PAX1: variants seen among roughly 807,000 people sequenced by gnomAD.
PAX1 encodes the protein paired box protein Pax-1.
Under a neutral mutation model 35.6 loss-of-function variants are expected in PAX1, and 18 were observed. That is an observed-to-expected ratio of 0.50 (90% CI 0.35 to 0.75). The LOEUF is 0.75. PAX1 is among the 30% of genes least tolerant of loss of function. PAX1 has a pLI of 0.01. For synonymous variants in PAX1, 397 were observed against 305.2 expected (o/e 1.30, Z -3.14); for missense variants, 760 against 661.5 (o/e 1.15, Z -1.63).
intron 4 of PAX1, among the ~76,000 whole-genome samples, chr20:21,709,709 C>A (rs1322667377): frequency 6.6e-6 from 1 of 152,026 alleles, no homozygotes; most frequent in Admixed American, 6.6e-5. Context: ...GAAAGGAGGT[C>A]CTTCTGGCAC....
Position 21,709,389 on chromosome 20 carries a change from T to C in PAX1, c.1227T>C (p.Ala409=). 1 of 1,556,064 alleles carries C rather than the reference T, an allele frequency of 6.4e-7. No individual in the cohort carries two copies. Residue 409 remains alanine (A), a synonymous_variant, in exon 4 of 5, where the codon GCT becomes GCC. Transcript: ENST00000613128. Reference sequence around the variant, plus strand: ...TGGCGCCCCCCGGGGCCGGCGTAGCTGTGCATGGCGGGGAACTCGCGGCAG... The same window carrying C: ...TGGCGCCCCCCGGGGCCGGCGTAGCCGTGCATGGCGGGGAACTCGCGGCAG... ...PPLAPPGAGV[A]VHGGELAAAM...
intron 2 of PAX1, chr20:21,708,252 G>C: frequency 1.9e-6 from 1 of 531,702 alleles, no homozygotes; most frequent in Non-Finnish European, 3.4e-6. Context: ...TCTGGGAGCC[G>C]TGTCTGGACA....
Position 21,709,375 on chromosome 20 carries a change from G to T in PAX1, c.1213G>T (p.Gly405Trp). ...GCAAGGTCCTCCTCTGGCGCCCCCC[G>T]GGGCCGGCGTAGCTGTGCATGGCGG... ...PAQGPPLAPP[G>W]AGVAVHGGEL... Residue 405 changes from glycine (G) to tryptophan (W), a missense_variant, in exon 4 of 5, where the codon GGG becomes TGG. Physicochemically the swap from Gly to Trp is radical, Grantham distance 184. Around this residue, in one of 3 missense-constraint regions of PAX1, gnomAD observed 490 missense variants for 428.4 expected, o/e 1.14. Coordinates refer to ENST00000613128, the MANE Select transcript of PAX1 (RefSeq NM_001257096.2). 1.3e-6 allele frequency: 2 copies of T among 1,567,134 alleles called. No homozygotes were observed.
At position 21,709,411 on chromosome 20, in the gene PAX1, G is replaced by T. The variant is rs764626514; in HGVS notation, c.1249G>T (p.Ala417Ser). Residue 417 changes from alanine to serine, a missense_variant, in exon 4 of 5, where the codon GCA (alanine) becomes TCA (serine). This residue lies in a region of PAX1 where 490 missense variants were observed against 428.4 expected (regional missense o/e 1.14). Transcript: ENST00000613128. Reference sequence around the variant, plus strand: ...AGCTGTGCATGGCGGGGAACTCGCGGCAGCAATGACCTTCAAGCATCCCAG... The same window carrying T: ...AGCTGTGCATGGCGGGGAACTCGCGTCAGCAATGACCTTCAAGCATCCCAG... ...GVAVHGGELA[A>S]AMTFKHPSRE... 1.0e-5 allele frequency: 16 copies of T among 1,543,388 alleles called. No homozygotes were observed. The African/African-American group carries it at 1.9e-4, about 18-fold the overall frequency.
Position 21,706,314 on chromosome 20 carries a change from G to T in PAX1, c.287-124G>T. On this transcript the variant is annotated intron_variant, in intron 1 of 4. Transcript: ENST00000613128. The surrounding 1 kb of genome is among the most constrained non-coding windows in gnomAD (Gnocchi z 5.3). ...TTGCCCTTGGACTCCGAGCTGTCTG[G>T]GGACCCACAGGTCACCTTTGGAAGT... 7.6e-7 allele frequency: 1 copy of T among 1,316,326 alleles called. No homozygotes were observed. The highest frequency in any genetic ancestry group is 2.3e-5 in the East Asian group (1 of 42,816). 81.5% of individuals were successfully genotyped at this position (1,316,326 alleles called of 1,614,324 possible).
chr20:21,714,610 C>T lies in PAX1; in HGVS notation c.*48C>T. 1 of 1,557,556 alleles carries T rather than the reference C, an allele frequency of 6.4e-7. No homozygotes were observed. Among genetic ancestry groups the T allele is most frequent in the Non-Finnish European group, 8.7e-7 (1 of 1,154,912 alleles). On this transcript the variant is annotated 3_prime_UTR_variant, in exon 5 of 5. Transcript: ENST00000613128. Reference sequence around the variant, plus strand: ...GCCCGGAGGGAACGGCAGGCGGACCCGGGCGCACAGGTCTGCGCGGCGGCC... The same window carrying T: ...GCCCGGAGGGAACGGCAGGCGGACCTGGGCGCACAGGTCTGCGCGGCGGCC...
At position 21,705,989 on chromosome 20, in the gene PAX1, C is replaced by A. The variant is rs1380192911; in HGVS notation, c.277C>A (p.Leu93Ile). Reference sequence around the variant, plus strand: ...CGGCGCCAGGCAGCTGGCCGGCCCGCTCGCTATGGGTAAGGGGCGGGCGAC... The same window carrying A: ...CGGCGCCAGGCAGCTGGCCGGCCCGATCGCTATGGGTAAGGGGCGGGCGAC... Reference protein sequence around the residue: ...HPGARQLAGPLAMEQTYGEVN... With the variant: ...HPGARQLAGPIAMEQTYGEVN... The change falls in exon 1 of 5, where the codon CTC becomes ATC. Residue 93 changes from leucine to isoleucine, a missense_variant. Physicochemically the swap from Leu to Ile is conservative, Grantham distance 5. Transcript: ENST00000613128. The A allele has an allele frequency of 1.4e-6, 2 of 1,479,134 alleles. No homozygotes were observed. The highest frequency in any genetic ancestry group is 2.7e-5 in the South Asian group (2 of 74,858). The allele number at this position is 1,479,134 out of a possible 1,614,324, so 91.6% of individuals were successfully genotyped here.
At chr20:21,708,475 C>T in intron 2 of PAX1, 83 bp from the exon 3 acceptor site, 1 of 1,534,972 alleles carries the variant, frequency 6.5e-7, no homozygotes, top group Non-Finnish European at 9.0e-7. Flanking sequence ...GCCGTGTCTT[C>T]AGATACAAAT....
rs1985430089 is a variant in PAX1, at chr20:21,718,021, TTGC to T, written c.*3460_*3462del. On this transcript the variant is annotated 3_prime_UTR_variant, in exon 5 of 5. Coordinates refer to ENST00000613128, the MANE Select transcript of PAX1 (RefSeq NM_001257096.2). ...CAGACATGAGCTGAAGATCTGCTCT[TTGC>T]GTACCACCAGCTTCAGCTCCAATGT... The T allele has an allele frequency of 6.6e-6, 1 of 152,362 alleles. No individual in the cohort carries two copies. The highest frequency in any genetic ancestry group is 2.4e-5 in the African/African-American group (1 of 41,586). The allele number at this position is 152,362 out of a possible 1,614,324, so 9.4% of individuals were successfully genotyped here. A position where few individuals can be genotyped will look rare whatever the true frequency, so the allele number is the denominator to read the frequency against.
intron 4 of PAX1, among the ~76,000 whole-genome samples, chr20:21,714,042 C>T (rs1985282734): frequency 6.6e-6 from 1 of 152,236 alleles, no homozygotes; most frequent in South Asian, 2.1e-4. Context: ...CTTGTGCGGG[C>T]GCCTGGGGTT....
rs1236641319 is a variant in PAX1 at position 21,708,547 on chromosome 20, C to T, written c.917-11C>T. The T allele has an allele frequency of 1.9e-6, 3 of 1,613,406 alleles. No homozygotes were observed. The highest frequency in any genetic ancestry group is 2.5e-6 in the Non-Finnish European group (3 of 1,180,022). ...GGAGGCACCTTTTAATCCGTCCTCTCTCTCCTGCAGGGGCCCTGGCTGGGA... is the reference window on the plus strand; with the variant it reads ...GGAGGCACCTTTTAATCCGTCCTCTTTCTCCTGCAGGGGCCCTGGCTGGGA... On this transcript the variant is annotated splice_polypyrimidine_tract_variant and intron_variant, in intron 2 of 4. Coordinates refer to ENST00000613128, the MANE Select transcript of PAX1 (RefSeq NM_001257096.2).
In PAX1 at chr20:21,718,199, A is replaced by G. The variant is rs1985437336; in HGVS notation, c.*3637A>G. 1 of 152,238 alleles carries G rather than the reference A, an allele frequency of 6.6e-6. No homozygotes were observed. The highest frequency in any genetic ancestry group is 1.5e-5 in the Non-Finnish European group (1 of 68,034). The allele number at this position is 152,238 out of a possible 1,614,324, so 9.4% of individuals were successfully genotyped here. A position where few individuals can be genotyped will look rare whatever the true frequency, so the allele number is the denominator to read the frequency against. Reference sequence around the variant, plus strand: ...GAGGAAGTACTTGCAATGGATTGTAATAACTTCCCTGCCAAAGGTAGCTGT... The same window carrying G: ...GAGGAAGTACTTGCAATGGATTGTAGTAACTTCCCTGCCAAAGGTAGCTGT... On this transcript the variant is annotated 3_prime_UTR_variant, in exon 5 of 5. Transcript: ENST00000613128.
chr20:21,706,427 C>A lies in PAX1; in HGVS notation c.287-11C>A. Reference sequence around the variant, plus strand: ...CCCCCTCCGGCTCACTCTTGTCTGGCGCATCCGCAGAGCAGACGTATGGCG... The same window carrying A: ...CCCCCTCCGGCTCACTCTTGTCTGGAGCATCCGCAGAGCAGACGTATGGCG... On this transcript the variant is annotated splice_polypyrimidine_tract_variant and intron_variant, in intron 1 of 4. Transcript: ENST00000613128. The surrounding 1 kb of genome is among the most constrained non-coding windows in gnomAD (Gnocchi z 5.3). The A allele has an allele frequency of 6.2e-7, 1 of 1,611,268 alleles. No individual in the cohort carries two copies. The highest frequency in any genetic ancestry group is 1.1e-5 in the South Asian group (1 of 91,082).
rs1353186568 is a variant in PAX1, at chr20:21,706,606, C to T, written c.455C>T (p.Ala152Val). Reference protein sequence around the residue: ...VSHGCVSKILARYNETGSILP... With the variant: ...VSHGCVSKILVRYNETGSILP... ...CACGGCTGCGTGAGCAAGATCCTGG[C>T]GCGCTACAACGAGACCGGCTCCATT... is the stretch of plus-strand genomic sequence containing the variant. The change falls in exon 2 of 5, where the codon GCG (alanine) becomes GTG (valine). Residue 152 changes from alanine to valine, a missense_variant. Coordinates refer to ENST00000613128, the MANE Select transcript of PAX1 (RefSeq NM_001257096.2). This position sits in a 1 kb window ranked among gnomAD's most constrained non-coding sequence, Gnocchi z 5.3. 3 of 1,612,094 alleles carry T rather than the reference C, an allele frequency of 1.9e-6. No individual in the cohort carries two copies. The highest frequency in any genetic ancestry group is 3.3e-5 in the Admixed American group (2 of 60,034).
chr20:21,706,857 G>C lies in PAX1; in HGVS notation c.706G>C (p.Ala236Pro), dbSNP rs562272126. The change falls in exon 2 of 5, where the codon GCA becomes CCA. Residue 236 changes from alanine (A) to proline (P), a missense_variant. This residue lies in a region of PAX1 where 490 missense variants were observed against 428.4 expected (regional missense o/e 1.14). Transcript: ENST00000613128. The surrounding 1 kb of genome is among the most constrained non-coding windows in gnomAD (Gnocchi z 5.3). ...CCTGGCGCAGCCCGGACCGTACGAG[G>C]CAAGTAAGCAGCCGCCGTCGCAGCC... Reference protein sequence around the residue: ...GSLAQPGPYEASKQPPSQPTL... With the variant: ...GSLAQPGPYEPSKQPPSQPTL... 1 of 1,613,328 alleles carries C rather than the reference G, an allele frequency of 6.2e-7. No homozygotes were observed. Among genetic ancestry groups the C allele is most frequent in the African/African-American group, 1.3e-5 (1 of 75,070 alleles).
intron 4 of PAX1, among the ~76,000 whole-genome samples, chr20:21,712,651 A>G (rs1345772108): frequency 6.6e-6 from 1 of 152,210 alleles, no homozygotes; most frequent in Non-Finnish European, 1.5e-5. Context: ...CATACGCACA[A>G]AGAAAATGTA....
chr20:21,709,135 A>G, intron 3 of PAX1, 87 bp from the exon 4 acceptor site: 1 of 1,028,020 alleles, frequency 9.7e-7, no homozygotes, highest in South Asian at 1.3e-5. Context: ...GGGGAGCGAT[A>G]ATGGACGAAA....
In PAX1 at chr20:21,705,988, G is replaced by T. The variant is rs1002353389; in HGVS notation, c.276G>T (p.Pro92=). 140 of 1,474,848 alleles carry T rather than the reference G, an allele frequency of 9.5e-5. No homozygotes were observed. The highest frequency in any genetic ancestry group is 2.4e-4 in the Middle Eastern group (1 of 4,112). The allele number at this position is 1,474,848 out of a possible 1,614,324, so 91.4% of individuals were successfully genotyped here. Residue 92 remains proline (P), a synonymous_variant, in exon 1 of 5, where the codon CCG becomes CCT. Coordinates refer to ENST00000613128, the MANE Select transcript of PAX1 (RefSeq NM_001257096.2). ...CCGGCGCCAGGCAGCTGGCCGGCCC[G>T]CTCGCTATGGGTAAGGGGCGGGCGA... The part of the protein sequence containing the change: ...GHPGARQLAG[P]LAMEQTYGEV...
intron 4 of PAX1, among the ~76,000 whole-genome samples, chr20:21,712,489 C>A (rs896708618): frequency 3.3e-5 from 5 of 152,162 alleles, no homozygotes; most frequent in African/African-American, 1.2e-4. Flanking sequence ...CCCTTCCCCA[C>A]CCTTAGGTGA....
Sources: gnomAD v4.1 joint callset for allele counts (sites outside exome capture counted in the v4.1 genomes callset) on GRCh38, gnomAD v4.1.1 for gene constraint, gnomAD v4.1.1 regional missense constraint, Gnocchi (gnomAD v3.1) non-coding constraint, MANE v1.5 for transcripts, NCBI Gene and HGNC (gene_info 2026-07-23, HGNC 2026-07-21) for gene names.